The following CAST variants were observed in gnomAD, a reference collection of about 807,000 sequenced individuals.
The protein encoded by CAST is MIR583 host.
In CAST, 76 loss-of-function variants were observed where a neutral mutation model predicts 119.6. The ratio of observed to expected loss-of-function variants is 0.64; its 90% CI spans 0.53 to 0.77. The LOEUF is 0.77. Among genes scored for constraint, CAST ranks in the 30% least tolerant of loss-of-function variants. The pLI is 0.00. For synonymous variants in CAST, 319 were observed against 331.6 expected, an observed-to-expected ratio of 0.96 and a Z score of 0.41; for missense variants, 953 against 946.5, an observed-to-expected ratio of 1.01 and a Z score of -0.09.
At chr5:96,099,380 A>G in the CAST span, among the ~76,000 whole-genome samples, 4 of 152,114 alleles carry the variant, frequency 2.6e-5, no homozygotes. Flanking sequence ...GAGTGGTGAG[A>G]GAGGGCATCT....
At chr5:96,554,216 A>G (rs922407220) in intron 1 of CAST, among the ~76,000 whole-genome samples, 17 of 152,294 alleles carry the variant, frequency 1.1e-4, no homozygotes, top group African/African-American at 3.6e-4. Context: ...TATATAGACC[A>G]ATGGAACAGA....
At chr5:96,716,693 G>A (rs1016631701) in intron 3 of CAST, among the ~76,000 whole-genome samples, 5 of 152,090 alleles carry the variant, frequency 3.3e-5, no homozygotes, top group Admixed American at 6.5e-5. Context: ...CATGGCTCAG[G>A]TCAAATTATT....
the CAST span, chr5:96,079,098 A>C: frequency 2.1e-6 from 1 of 469,356 alleles, no homozygotes; most frequent in Non-Finnish European, 4.4e-6. Context: ...TTAAAAAAAA[A>C]CCTATTTAAA....
intron 24 of CAST, among the ~76,000 whole-genome samples, chr5:96,758,740 G>C (rs1766944563): frequency 6.6e-6 from 1 of 152,156 alleles, no homozygotes; most frequent in Non-Finnish European, 1.5e-5. Flanking sequence ...CCCTGTAAAA[G>C]CACCGTGCTG....
chr5:96,581,794 G>A lies in CAST; in HGVS notation c.60+51914G>A, dbSNP rs189098336. Among the ~76,000 whole-genome samples the A allele has an allele frequency of 7.2e-3, 1,099 of 152,254 alleles. 26 individuals are homozygous for A. The highest frequency in any genetic ancestry group is 0.026 in the African/African-American group (1,070 of 41,538). Reference sequence around the variant, plus strand: ...TAGTCCCAGCTACTCAGGAGGCTGAGGCAGGAGAATGGTGTGAACCCAGGA... The same window carrying A: ...TAGTCCCAGCTACTCAGGAGGCTGAAGCAGGAGAATGGTGTGAACCCAGGA... On this transcript the variant is annotated intron_variant, in intron 1 of 11. Transcript: ENST00000505143.
At chr5:96,540,021 C>A (rs1364629121) in intron 1 of CAST, among the ~76,000 whole-genome samples, 1 of 151,736 alleles carries the variant, frequency 6.6e-6, no homozygotes, top group Non-Finnish European at 1.5e-5. Flanking sequence ...TATAGTATAC[C>A]TCTTTATCTT....
the CAST span, among the ~76,000 whole-genome samples, chr5:96,001,933 C>T: frequency 2.6e-5 from 4 of 152,288 alleles, no homozygotes; most frequent in African/African-American, 7.2e-5. Flanking sequence ...CAAGAGGAGT[C>T]TATGTTTCTT....
At chr5:96,619,325 G>T (rs1403219336) in intron 1 of CAST, among the ~76,000 whole-genome samples, 1 of 152,190 alleles carries the variant, frequency 6.6e-6, no homozygotes, top group East Asian at 1.9e-4. Flanking sequence ...TCTGTGTCTA[G>T]CTCAGGGATT....
At chr5:96,375,705 G>A in the CAST span, among the ~76,000 whole-genome samples, 3 of 151,528 alleles carry the variant, frequency 2.0e-5, no homozygotes, top group African/African-American at 7.3e-5. Context: ...TATAATGTGG[G>A]TTGGCCTTAC....
At chr5:96,748,967 C>T (rs569916663) in intron 19 of CAST, among the ~76,000 whole-genome samples, 20 of 152,296 alleles carry the variant, frequency 1.3e-4, no homozygotes, top group African/African-American at 4.8e-4. Context: ...CTTTCTCAAG[C>T]ATGTCTGTAG....
At chr5:96,280,669 A>G in the CAST span, among the ~76,000 whole-genome samples, 5 of 152,258 alleles carry the variant, frequency 3.3e-5, 1 homozygote, top group Admixed American at 2.6e-4. Context: ...ATCAAATGAG[A>G]TAATGTATGT....
chr5:96,104,225 G>A, the CAST span, among the ~76,000 whole-genome samples: 7 of 152,170 alleles, frequency 4.6e-5, no homozygotes, highest in Admixed American at 4.6e-4. Context: ...CGGTGCAGAA[G>A]CTCTTTAGTT....
chr5:96,467,712 T>G, the CAST span, among the ~76,000 whole-genome samples: 18 of 110,772 alleles, frequency 1.6e-4, no homozygotes, highest in Middle Eastern at 4.7e-3. Context: ...TGGTCATTAT[T>G]AAAAAGTAAA....
chr5:96,272,334 T>G, the CAST span, among the ~76,000 whole-genome samples: 1 of 152,162 alleles, frequency 6.6e-6, no homozygotes, highest in Non-Finnish European at 1.5e-5. Context: ...GCAGCACTAT[T>G]CACGATAGCC....
At chr5:96,248,589 A>C in the CAST span, among the ~76,000 whole-genome samples, 14 of 152,230 alleles carry the variant, frequency 9.2e-5, no homozygotes, top group African/African-American at 2.9e-4. Flanking sequence ...TTAGAGTAAA[A>C]AGATGCTCGA....
chr5:96,259,898 TA>T, the CAST span, among the ~76,000 whole-genome samples: 7 of 151,468 alleles, frequency 4.6e-5, no homozygotes, highest in African/African-American at 1.5e-4. Context: ...TTTTTTTTTT[TA>T]AATTATGTTT....
the CAST span, among the ~76,000 whole-genome samples, chr5:96,455,613 C>G: frequency 2.0e-5 from 3 of 152,174 alleles, no homozygotes; most frequent in African/African-American, 7.2e-5. Context: ...AGCCTTTCTC[C>G]TCTCATGAGC....
chr5:96,524,442 G>T (rs559636200), upstream of CAST, among the ~76,000 whole-genome samples: 33 of 152,218 alleles, frequency 2.2e-4, no homozygotes, highest in Non-Finnish European at 3.7e-4. Flanking sequence ...CTTCCTGGAG[G>T]CTGAAGGGGT....
At chr5:96,641,104 G>A (rs1366762378) in intron 1 of CAST, among the ~76,000 whole-genome samples, 2 of 152,114 alleles carry the variant, frequency 1.3e-5, no homozygotes, top group African/African-American at 2.4e-5. Context: ...TTACAATGAT[G>A]TTTGCCTTTA....
Sources: allele counts gnomAD v4.1 joint callset (sites outside exome capture counted in the v4.1 genomes callset), GRCh38; gene constraint gnomAD v4.1.1; transcripts MANE v1.5; gene names NCBI Gene and HGNC (gene_info 2026-07-23, HGNC 2026-07-21).